Variants in AAK1 observed in about 807,000 individuals in gnomAD.
The protein encoded by AAK1 is AP2-associated protein kinase 1.
AAK1 carries 37 observed loss-of-function variants against 116.0 expected under a neutral mutation model. The ratio of observed to expected loss-of-function variants is 0.32; its 90% CI spans 0.25 to 0.42. AAK1 has a LOEUF of 0.42. Among genes scored for constraint, AAK1 ranks in the 10% least tolerant of loss-of-function variants. The probability of loss-of-function intolerance (pLI) is 1.00; values close to 1 mark genes in which losing one functional copy is unlikely to be tolerated. For synonymous variants in AAK1, 458 were observed against 439.9 expected (o/e 1.04, Z -0.51); for missense variants, 919 against 1,170.6 (o/e 0.79, Z 3.14).
At chr2:69,641,601 G>T (rs1023834819) in intron 2 of AAK1, among the ~76,000 whole-genome samples, 7 of 152,114 alleles carry the variant, frequency 4.6e-5, no homozygotes, top group African/African-American at 1.4e-4. Context: ...TCTATTCCCA[G>T]AAAACTGGGC....
Position 69,481,007 on chromosome 2 carries a change from A to T in AAK1, c.2468-46T>A, listed in dbSNP as rs1675068627. ...GAAGAGGAAAGGGTAAGGGAAAGGG[A>T]GTCAGAAGTTTCTTTAGGAAATTCT... On this transcript the variant is annotated intron_variant, in intron 18 of 21. Coordinates refer to ENST00000409085, the MANE Select transcript of AAK1 (RefSeq NM_014911.5). 2 of 1,428,906 alleles carry T rather than the reference A, an allele frequency of 1.4e-6. 1 individual carries two copies. Among genetic ancestry groups the T allele is most frequent in the Admixed American group, 4.9e-5 (2 of 40,870 alleles). 88.5% of individuals were successfully genotyped at this position (1,428,906 alleles called of 1,614,324 possible).
intron 11 of AAK1, among the ~76,000 whole-genome samples, chr2:69,519,492 C>G (rs1016425837): frequency 1.3e-5 from 2 of 152,168 alleles, no homozygotes; most frequent in African/African-American, 4.8e-5. Flanking sequence ...CCTTATTAAT[C>G]ATCCCATTTA....
At chr2:69,603,041 T>C (rs1322167810) in intron 2 of AAK1, among the ~76,000 whole-genome samples, 2 of 152,040 alleles carry the variant, frequency 1.3e-5, no homozygotes, top group African/African-American at 4.8e-5. Flanking sequence ...AAAGTAAGGA[T>C]GAATGGATGG....
intron 5 of AAK1, among the ~76,000 whole-genome samples, chr2:69,535,344 C>A (rs752977427): frequency 6.6e-6 from 1 of 152,120 alleles, no homozygotes; most frequent in Non-Finnish European, 1.5e-5. Context: ...ACACCCATTA[C>A]GTACCCACAA....
At chr2:69,507,855 T>C (rs1383606047) in intron 14 of AAK1, among the ~76,000 whole-genome samples, 2 of 152,036 alleles carry the variant, frequency 1.3e-5, no homozygotes, top group Non-Finnish European at 2.9e-5. Context: ...TACAGGCGCA[T>C]GCCACCACGC....
chr2:69,598,697 T>A (rs1673419078), intron 2 of AAK1: 1 of 160,170 alleles, frequency 6.2e-6, no homozygotes, highest in African/African-American at 2.4e-5. Flanking sequence ...TTTTTTTATT[T>A]TTTGTAAAGA....
At chr2:69,591,234 A>G (rs570914593) in intron 2 of AAK1, among the ~76,000 whole-genome samples, 2 of 152,344 alleles carry the variant, frequency 1.3e-5, no homozygotes, top group South Asian at 2.1e-4. Flanking sequence ...AGCAAAGAAG[A>G]AAATGAAGCC....
chr2:69,490,795 A>T (rs1675491263), intron 17 of AAK1, among the ~76,000 whole-genome samples: 1 of 152,172 alleles, frequency 6.6e-6, no homozygotes, highest in Non-Finnish European at 1.5e-5. Context: ...GTACACTTAG[A>T]AATGGTTAAA....
At chr2:69,619,794 C>A (rs1674507724) in intron 2 of AAK1, among the ~76,000 whole-genome samples, 1 of 152,134 alleles carries the variant, frequency 6.6e-6, no homozygotes, top group Non-Finnish European at 1.5e-5. Context: ...GAGGCCTGAG[C>A]AGGGAGGTGC....
chr2:69,575,021 A>C (rs201520703), intron 2 of AAK1, among the ~76,000 whole-genome samples: 52 of 103,360 alleles, frequency 5.0e-4, no homozygotes, highest in Admixed American at 3.8e-3. Context: ...AAAAGACTAC[A>C]AAAAAAAAAA....
intron 16 of AAK1, among the ~76,000 whole-genome samples, chr2:69,503,831 A>G (rs1676069154): frequency 6.6e-6 from 1 of 152,026 alleles, no homozygotes; most frequent in Non-Finnish European, 1.5e-5. Flanking sequence ...TAATTTTTAA[A>G]AATTATACTT....
intron 2 of AAK1, among the ~76,000 whole-genome samples, chr2:69,599,420 C>G (rs753222846): frequency 5.1e-5 from 7 of 137,696 alleles, no homozygotes; most frequent in Non-Finnish European, 1.1e-4. Flanking sequence ...TTATACCAAA[C>G]AAAATTTCAA....
chr2:69,517,446 C>T (rs1345366306), intron 12 of AAK1, among the ~76,000 whole-genome samples: 1 of 152,018 alleles, frequency 6.6e-6, no homozygotes, highest in East Asian at 1.9e-4. Context: ...CACCTCAATA[C>T]ACCGATTGAT....
intron 18 of AAK1, 85 bp downstream of exon 18, chr2:69,482,626 A>G (rs538635922): frequency 8.2e-6 from 9 of 1,102,320 alleles, no homozygotes; most frequent in South Asian, 7.9e-5. Flanking sequence ...GCTATTCCCC[A>G]GGGATTGGTT....
chr2:69,633,927 T>C (rs901834807), intron 2 of AAK1, among the ~76,000 whole-genome samples: 7 of 152,146 alleles, frequency 4.6e-5, no homozygotes, highest in African/African-American at 1.7e-4. Flanking sequence ...CCCACCACTT[T>C]GGGAGGCTGA....
At chr2:69,566,493 G>C (rs962923502) in intron 2 of AAK1, among the ~76,000 whole-genome samples, 4 of 152,110 alleles carry the variant, frequency 2.6e-5, no homozygotes, top group Non-Finnish European at 5.9e-5. Context: ...CCCCACTCAA[G>C]CTGTGGGCAC....
At chr2:69,538,985 C>T (rs1670592190) in intron 5 of AAK1, among the ~76,000 whole-genome samples, 1 of 152,210 alleles carries the variant, frequency 6.6e-6, no homozygotes, top group Non-Finnish European at 1.5e-5. Context: ...TTCCCTTGTC[C>T]TCACCTCTGA....
At chr2:69,505,855 A>G (rs1054147529) in intron 15 of AAK1, among the ~76,000 whole-genome samples, 182 bp from the exon 16 acceptor site, 3 of 152,208 alleles carry the variant, frequency 2.0e-5, no homozygotes, top group African/African-American at 7.2e-5. Flanking sequence ...GGCTGAGAAA[A>G]AAAAGGAAAT....
chr2:69,601,490 C>T (rs558607050), intron 2 of AAK1, among the ~76,000 whole-genome samples: 4 of 152,332 alleles, frequency 2.6e-5, no homozygotes, highest in African/African-American at 4.8e-5. Flanking sequence ...ACAGAGCCAT[C>T]GGCCAAAGCC....
Sources: gnomAD v4.1 joint callset for allele counts (sites outside exome capture counted in the v4.1 genomes callset) on GRCh38, gnomAD v4.1.1 for gene constraint, MANE v1.5 for transcripts, NCBI Gene and HGNC (gene_info 2026-07-23, HGNC 2026-07-21) for gene names.